Variants in ADAM29 observed in about 807,000 individuals in gnomAD.
The protein encoded by ADAM29 is disintegrin and metalloproteinase domain-containing protein 29.
For missense variants in ADAM29, 969 were observed against 1,001.8 expected (o/e 0.97, Z 0.44); for synonymous variants, 367 against 342.3 (o/e 1.07, Z -0.80).
intron 2 of ADAM29, among the ~76,000 whole-genome samples, chr4:174,924,468 C>A (rs1743371063): frequency 6.6e-6 from 1 of 152,166 alleles, no homozygotes; most frequent in African/African-American, 2.4e-5. Context: ...AATATTAATG[C>A]AACTGACTTG....
intron 4 of ADAM29, among the ~76,000 whole-genome samples, chr4:174,940,623 GA>G (rs1744481138): frequency 6.6e-6 from 1 of 151,962 alleles, no homozygotes; most frequent in Admixed American, 6.6e-5. Context: ...ATTTAAAAGT[GA>G]TATTAATTAT....
chr4:174,924,520 A>T (rs1284132074), intron 2 of ADAM29, among the ~76,000 whole-genome samples: 1 of 152,226 alleles, frequency 6.6e-6, no homozygotes, highest in Non-Finnish European at 1.5e-5. Context: ...CAATGTATAT[A>T]GCAGCTTTAT....
At chr4:174,936,547 G>C (rs960652568) in intron 3 of ADAM29, among the ~76,000 whole-genome samples, 1 of 151,820 alleles carries the variant, frequency 6.6e-6, no homozygotes, top group Non-Finnish European at 1.5e-5. Flanking sequence ...ACTTTAAAAA[G>C]TTATTTTATT....
chr4:174,939,537 A>G (rs1744406574), intron 4 of ADAM29, among the ~76,000 whole-genome samples: 1 of 152,218 alleles, frequency 6.6e-6, no homozygotes, highest in Non-Finnish European at 1.5e-5. Context: ...TAAACAATTT[A>G]GAAAATATTT....
chr4:174,926,719 TCC>T (rs1743538598), intron 2 of ADAM29, among the ~76,000 whole-genome samples: 1 of 96,736 alleles, frequency 1.0e-5, no homozygotes. Flanking sequence ...CAAGACCATG[TCC>T]AAAAAAAAAA....
In ADAM29 at chr4:174,977,653, G is replaced by A. The variant is rs1467291923; in HGVS notation, c.2128G>A (p.Val710Ile). ...TAAACCAATAAAAAAGCAGCAAGAT[G>A]TTCAAACTCCATCTGCAAAAGAAGA... ...KSKPIKKQQDVQTPSAKEEEK... is the reference protein window; with the variant it reads ...KSKPIKKQQDIQTPSAKEEEK... Residue 710 changes from valine (V) to isoleucine (I), a missense_variant, in exon 5 of 5, where the codon GTT becomes ATT. By Grantham distance (29) the Val-to-Ile change is conservative. Coordinates refer to ENST00000359240, the MANE Select transcript of ADAM29 (RefSeq NM_014269.4). 1 of 1,614,222 alleles carries A rather than the reference G, an allele frequency of 6.2e-7. No individual in the cohort carries two copies. Among genetic ancestry groups the A allele is most frequent in the Admixed American group, 1.7e-5 (1 of 60,028 alleles).
chr4:174,948,548 G>A (rs2111005843), intron 4 of ADAM29, among the ~76,000 whole-genome samples: 1 of 152,230 alleles, frequency 6.6e-6, no homozygotes, highest in Non-Finnish European at 1.5e-5. Flanking sequence ...GAAGGGCTGA[G>A]GTTTTCCTGG....
At chr4:174,921,499 A>G (rs1743163534) in intron 2 of ADAM29, among the ~76,000 whole-genome samples, 1 of 152,184 alleles carries the variant, frequency 6.6e-6, no homozygotes, top group South Asian at 2.1e-4. Flanking sequence ...AAACCAGATC[A>G]TTGAATGGTC....
intron 4 of ADAM29, among the ~76,000 whole-genome samples, chr4:174,957,256 A>G (rs936676068): frequency 6.6e-6 from 1 of 151,866 alleles, no homozygotes; most frequent in African/African-American, 2.4e-5. Context: ...GTTAATCAAC[A>G]TTTATTGAGT....
chr4:174,941,657 C>T (rs147393892), intron 4 of ADAM29, among the ~76,000 whole-genome samples: 294 of 152,260 alleles, frequency 1.9e-3, no homozygotes, highest in African/African-American at 6.7e-3. Context: ...AGGTCCCTCT[C>T]CTGACAAATG....
chr4:174,959,523 G>A (rs1745693732), intron 4 of ADAM29, among the ~76,000 whole-genome samples: 1 of 150,756 alleles, frequency 6.6e-6, no homozygotes, highest in African/African-American at 2.4e-5. Context: ...TATTTACCCT[G>A]CTTGGTGTTT....
At chr4:174,961,472 G>A (rs1745818102) in intron 4 of ADAM29, among the ~76,000 whole-genome samples, 1 of 151,876 alleles carries the variant, frequency 6.6e-6, no homozygotes, top group Non-Finnish European at 1.5e-5. Context: ...TAGTTACAAT[G>A]ACTATCTTGT....
At chr4:174,924,073 C>T (rs975561824) in intron 2 of ADAM29, 1 of 152,168 alleles carries the variant, frequency 6.6e-6, no homozygotes, top group Admixed American at 6.5e-5. Flanking sequence ...AGAGTAGTCA[C>T]AGACTGAGGG....
At chr4:174,934,778 C>T (rs139727983) in intron 3 of ADAM29, among the ~76,000 whole-genome samples, 1 of 152,232 alleles carries the variant, frequency 6.6e-6, no homozygotes, top group Non-Finnish European at 1.5e-5. Context: ...CAGGGTCTGT[C>T]AGTCTTTTGT....
intron 4 of ADAM29, among the ~76,000 whole-genome samples, chr4:174,964,222 T>G (rs943273469): frequency 6.6e-6 from 1 of 152,084 alleles, no homozygotes; most frequent in African/African-American, 2.4e-5. Flanking sequence ...CGAATCCAAT[T>G]TGACCAGTGT....
intron 3 of ADAM29, among the ~76,000 whole-genome samples, chr4:174,934,428 A>G (rs1425831681): frequency 1.3e-5 from 2 of 151,926 alleles, no homozygotes; most frequent in African/African-American, 4.8e-5. Context: ...TTTTCTCCAT[A>G]TTTACCATTT....
chr4:174,953,339 G>A (rs1209920418), intron 4 of ADAM29, among the ~76,000 whole-genome samples: 3 of 152,064 alleles, frequency 2.0e-5, no homozygotes, highest in African/African-American at 7.2e-5. Context: ...GTGAATAGAT[G>A]TTTACTCTTA....
At chr4:174,963,137 A>C (rs529387986) in intron 4 of ADAM29, among the ~76,000 whole-genome samples, 1 of 152,292 alleles carries the variant, frequency 6.6e-6, no homozygotes, top group African/African-American at 2.4e-5. Flanking sequence ...GAAAACACAT[A>C]ATAAGGAAAA....
chr4:174,923,662 G>A (rs1005153531), intron 2 of ADAM29, among the ~76,000 whole-genome samples: 1 of 150,854 alleles, frequency 6.6e-6, no homozygotes, highest in Admixed American at 6.6e-5. Flanking sequence ...TGAACAAGCC[G>A]ATCACTTTCT....
Sources: gnomAD v4.1 joint callset for allele counts (sites outside exome capture counted in the v4.1 genomes callset) on GRCh38, gnomAD v4.1.1 for gene constraint, MANE v1.5 for transcripts, NCBI Gene and HGNC (gene_info 2026-07-23, HGNC 2026-07-21) for gene names.